Variants in LRRC8C observed in about 807,000 individuals in gnomAD.
The protein encoded by LRRC8C is volume-regulated anion channel subunit LRRC8C.
Under a neutral mutation model 55.3 loss-of-function variants are expected in LRRC8C, and 20 were observed. The ratio of observed to expected loss-of-function variants is 0.36; its 90% CI spans 0.25 to 0.53. The LOEUF (loss-of-function observed/expected upper bound fraction) is 0.53, where lower values mean the gene tolerates loss of function less well. Ranked by LOEUF, LRRC8C falls within the 20% of genes least tolerant of loss-of-function variation. The pLI is 0.92. For synonymous variants in LRRC8C, 376 were observed against 360.7 expected (o/e 1.04, Z -0.48); for missense variants, 659 against 951.4 (o/e 0.69, Z 4.04).
In LRRC8C at chr1:89,698,123, T is replaced by C. The variant is rs1338300341; in HGVS notation, c.138+11512T>C. Among the ~76,000 whole-genome samples the C allele has an allele frequency of 3.3e-5, 5 of 152,206 alleles. No individual in the cohort carries two copies. The East Asian group carries it at 9.6e-4, about 29-fold the overall frequency. On this transcript the variant is annotated intron_variant, in intron 2 of 2. Coordinates refer to ENST00000370454, the MANE Select transcript of LRRC8C (RefSeq NM_032270.5). ...TGTCCCAAATCTGGTACTCTCTTTG[T>C]GTCTCTTAAATGAGTTAGCACTTAA...
chr1:89,700,920 T>C (rs919935908), intron 2 of LRRC8C, among the ~76,000 whole-genome samples: 2 of 152,244 alleles, frequency 1.3e-5, no homozygotes. Context: ...CATATTGGAA[T>C]GGTACCACCT....
Position 89,719,456 on chromosome 1 carries a change from C to T in LRRC8C, c.*4474C>T, listed in dbSNP as rs1309158485. On this transcript the variant is annotated 3_prime_UTR_variant, in exon 3 of 3. Coordinates refer to ENST00000370454, the MANE Select transcript of LRRC8C (RefSeq NM_032270.5). ...AAGTTGATTTGTCATAGTGCAAATT[C>T]ATGATAAAATGTCTTAATGTTATTT... 2.0e-5 allele frequency: 3 copies of T among 152,078 alleles called. No homozygotes were observed. Among genetic ancestry groups the T allele is most frequent in the African/African-American group, 7.2e-5 (3 of 41,392 alleles). 9.4% of individuals were successfully genotyped at this position (152,078 alleles called of 1,614,324 possible).
At chr1:89,616,015 T>C in the LRRC8C span, among the ~76,000 whole-genome samples, 2 of 152,140 alleles carry the variant, frequency 1.3e-5, no homozygotes, top group African/African-American at 4.8e-5. Flanking sequence ...GTCCACAGAC[T>C]GTTCAACATT....
Position 89,714,860 on chromosome 1 carries a change from T to G in LRRC8C, c.2290T>G (p.Phe764Val). 2 of 1,614,162 alleles carry G rather than the reference T, an allele frequency of 1.2e-6. No individual in the cohort carries two copies. The highest frequency in any genetic ancestry group is 1.7e-6 in the Non-Finnish European group (2 of 1,180,004). Residue 764 changes from phenylalanine (F) to valine (V), a missense_variant, in exon 3 of 3, where the codon TTT becomes GTT. By Grantham distance (50) the Phe-to-Val change is conservative. Transcript: ENST00000370454. This position sits in a 1 kb window ranked among gnomAD's most constrained non-coding sequence, Gnocchi z 4.6. ...LSYLDVKGNH[F>V]EILPPELGDC... ...CTACTTAGATGTAAAAGGTAATCACTTTGAAATCCTCCCTCCTGAACTGGG... is the reference window on the plus strand; with the variant it reads ...CTACTTAGATGTAAAAGGTAATCACGTTGAAATCCTCCCTCCTGAACTGGG...
intron 1 of LRRC8C, chr1:89,676,123 T>C (rs574331543): frequency 2.6e-5 from 4 of 152,348 alleles, no homozygotes; most frequent in African/African-American, 9.6e-5. Context: ...AAATTAAAGC[T>C]TTCTTTTAAG....
At chr1:89,652,371 C>A (rs1412547458) in intron 1 of LRRC8C, among the ~76,000 whole-genome samples, 4 of 152,116 alleles carry the variant, frequency 2.6e-5, no homozygotes, top group African/African-American at 9.7e-5. Context: ...TTTTGCATCT[C>A]TTCTGAAAAG....
intron 2 of LRRC8C, among the ~76,000 whole-genome samples, chr1:89,697,114 A>G (rs1658194391): frequency 6.6e-6 from 1 of 152,186 alleles, no homozygotes; most frequent in Non-Finnish European, 1.5e-5. Context: ...AATTATGGAT[A>G]TTATCTTTTA....
At chr1:89,621,399 G>A in the LRRC8C span, among the ~76,000 whole-genome samples, 1 of 151,786 alleles carries the variant, frequency 6.6e-6, no homozygotes, top group East Asian at 1.9e-4. Flanking sequence ...AACCCAGGAG[G>A]CGGAGCTTGC....
rs539433137 is a variant in LRRC8C at position 89,718,281 on chromosome 1, A to G, written c.*3299A>G. 1 of 152,280 alleles carries G rather than the reference A, an allele frequency of 6.6e-6. No individual in the cohort carries two copies. Among genetic ancestry groups the G allele is most frequent in the South Asian group, 2.1e-4 (1 of 4,830 alleles). 9.4% of individuals were successfully genotyped at this position (152,280 alleles called of 1,614,324 possible). On this transcript the variant is annotated 3_prime_UTR_variant, in exon 3 of 3. Coordinates refer to ENST00000370454, the MANE Select transcript of LRRC8C (RefSeq NM_032270.5). Reference sequence around the variant, plus strand: ...TATGCAGTAGGTACTGCTTTTTCAGAAAGACCTGGAAAACATACCTGCTAT... The same window carrying G: ...TATGCAGTAGGTACTGCTTTTTCAGGAAGACCTGGAAAACATACCTGCTAT...
At chr1:89,640,850 G>A (rs1656436597) in intron 1 of LRRC8C, among the ~76,000 whole-genome samples, 1 of 152,156 alleles carries the variant, frequency 6.6e-6, no homozygotes, top group African/African-American at 2.4e-5. Flanking sequence ...AGAGTGCCTT[G>A]ATTTTGAAGC....
At chr1:89,710,907 A>G (rs142525571) in intron 2 of LRRC8C, among the ~76,000 whole-genome samples, 1,582 of 152,322 alleles carry the variant, frequency 0.01, 36 homozygotes, top group African/African-American at 0.036. Context: ...GCTAGATGAC[A>G]TTAGGCAAGT....
chr1:89,705,974 TCTTAA>T (rs1234815658), intron 2 of LRRC8C, among the ~76,000 whole-genome samples: 1 of 152,104 alleles, frequency 6.6e-6, no homozygotes, highest in African/African-American at 2.4e-5. Flanking sequence ...TCATGTCAGT[TCTTAA>T]CTTATAAAGT....
intron 1 of LRRC8C, among the ~76,000 whole-genome samples, chr1:89,682,821 G>C (rs1338107859): frequency 1.3e-5 from 2 of 152,230 alleles, no homozygotes; most frequent in African/African-American, 4.8e-5. Context: ...AAGCACTTCT[G>C]CTGCATTCCA....
chr1:89,637,810 A>G (rs1656333880), intron 1 of LRRC8C, among the ~76,000 whole-genome samples: 1 of 152,220 alleles, frequency 6.6e-6, no homozygotes, highest in South Asian at 2.1e-4. Context: ...AGCAGGCATA[A>G]GACAAACAAA....
chr1:89,638,441 G>A (rs939391067), intron 1 of LRRC8C, among the ~76,000 whole-genome samples: 4 of 150,100 alleles, frequency 2.7e-5, no homozygotes, highest in African/African-American at 4.9e-5. Context: ...TTGTTACCCC[G>A]CCTTCACCTC....
At chr1:89,643,051 A>G (rs1380557354) in intron 1 of LRRC8C, among the ~76,000 whole-genome samples, 1 of 151,588 alleles carries the variant, frequency 6.6e-6, no homozygotes, top group Non-Finnish European at 1.5e-5. Context: ...GGTTTATTCA[A>G]TTATATACCA....
chr1:89,670,134 C>G (rs1280817468), intron 1 of LRRC8C, among the ~76,000 whole-genome samples: 1 of 152,040 alleles, frequency 6.6e-6, no homozygotes, highest in Non-Finnish European at 1.5e-5. Flanking sequence ...AAGAAAGGTC[C>G]AGAATAGTTA....
chr1:89,694,818 C>A (rs936587138), intron 2 of LRRC8C, among the ~76,000 whole-genome samples: 9 of 151,642 alleles, frequency 5.9e-5, no homozygotes, highest in African/African-American at 2.2e-4. Flanking sequence ...AAACTTCTGA[C>A]CTCAAGTGAT....
intron 2 of LRRC8C, among the ~76,000 whole-genome samples, chr1:89,705,698 T>A (rs1658461937): frequency 6.6e-6 from 1 of 151,996 alleles, no homozygotes; most frequent in Non-Finnish European, 1.5e-5. Context: ...GGAAAATTCT[T>A]TAACCCGGGA....
Sources: gnomAD v4.1 joint callset for allele counts (sites outside exome capture counted in the v4.1 genomes callset) on GRCh38, gnomAD v4.1.1 for gene constraint, Gnocchi (gnomAD v3.1) non-coding constraint, MANE v1.5 for transcripts, NCBI Gene and HGNC (gene_info 2026-07-23, HGNC 2026-07-21) for gene names.